TPRG1: variants seen among roughly 807,000 people sequenced by gnomAD.
TPRG1 encodes the protein tumor protein p63 regulated 1.
A neutral mutation model predicts 29.3 loss-of-function variants in TPRG1; 29 were observed. The observed-to-expected ratio is 0.99, with a 90% CI of 0.74 to 1.35. The LOEUF (loss-of-function observed/expected upper bound fraction) is 1.35, where lower values mean the gene tolerates loss of function less well. TPRG1 is among the 40% of genes most tolerant of loss of function. TPRG1 has a pLI of 0.00. For missense variants in TPRG1, 327 were observed against 335.0 expected (o/e 0.98, Z 0.19); for synonymous variants, 130 against 116.8 (o/e 1.11, Z -0.73).
chr3:189,259,030 A>C (rs1482711044), intron 4 of TPRG1, among the ~76,000 whole-genome samples: 1 of 152,134 alleles, frequency 6.6e-6, no homozygotes, highest in Non-Finnish European at 1.5e-5. Flanking sequence ...GCTGTGTTCC[A>C]GGGACCAATG....
intron 4 of TPRG1, among the ~76,000 whole-genome samples, chr3:189,246,185 C>T (rs144477228): frequency 1.9e-4 from 29 of 152,172 alleles, no homozygotes; most frequent in African/African-American, 6.7e-4. Flanking sequence ...TTATAAAGGG[C>T]AGTTCCTCTG....
intron 4 of TPRG1, among the ~76,000 whole-genome samples, chr3:189,049,759 C>T (rs1715199230): frequency 6.6e-6 from 1 of 152,204 alleles, no homozygotes; most frequent in African/African-American, 2.4e-5. Flanking sequence ...CCTTCTGCCA[C>T]CTCCACCAGA....
chr3:189,065,094 T>C (rs1463735394), intron 4 of TPRG1, among the ~76,000 whole-genome samples: 2 of 152,116 alleles, frequency 1.3e-5, no homozygotes, highest in Non-Finnish European at 2.9e-5. Flanking sequence ...AGAGGCTTGC[T>C]GAAGCCCAGG....
chr3:189,005,283 C>T (rs867017346), intron 3 of TPRG1, among the ~76,000 whole-genome samples: 21 of 152,058 alleles, frequency 1.4e-4, no homozygotes, highest in African/African-American at 4.3e-4. Context: ...ACCTCAGTGC[C>T]GAGTAAAGTG....
At chr3:189,301,050 C>T (rs1720746290) in intron 4 of TPRG1, among the ~76,000 whole-genome samples, 1 of 152,026 alleles carries the variant, frequency 6.6e-6, no homozygotes, top group South Asian at 2.1e-4. Flanking sequence ...GTAATCCCAG[C>T]ACTTTGGGAG....
intron 4 of TPRG1, among the ~76,000 whole-genome samples, chr3:189,036,762 T>C (rs1714294210): frequency 6.6e-6 from 1 of 151,892 alleles, no homozygotes; most frequent in Non-Finnish European, 1.5e-5. Flanking sequence ...AAAAAGGTGA[T>C]GTAAATTTAG....
intron 4 of TPRG1, among the ~76,000 whole-genome samples, chr3:189,046,296 T>G (rs1398521180): frequency 2.6e-5 from 4 of 152,308 alleles, no homozygotes; most frequent in Non-Finnish European, 1.5e-5. Flanking sequence ...AACCCTCTTC[T>G]CCACTTAGGC....
At chr3:189,270,331 A>G (rs1714903323) in intron 4 of TPRG1, among the ~76,000 whole-genome samples, 1 of 152,172 alleles carries the variant, frequency 6.6e-6, no homozygotes, top group Non-Finnish European at 1.5e-5. Flanking sequence ...ATTGTTGTGG[A>G]TGAGGAAAAG....
intron 4 of TPRG1, among the ~76,000 whole-genome samples, chr3:189,269,971 T>C (rs1714793420): frequency 6.6e-6 from 1 of 152,190 alleles, no homozygotes; most frequent in African/African-American, 2.4e-5. Flanking sequence ...GTTTTGACTT[T>C]TCATAAACAG....
intron 1 of TPRG1, among the ~76,000 whole-genome samples, chr3:189,200,449 A>G (rs571470119): frequency 6.6e-6 from 1 of 152,176 alleles, no homozygotes; most frequent in Non-Finnish European, 1.5e-5. Flanking sequence ...GTCAAAATCA[A>G]AAGTAGATTT....
At chr3:189,229,427 C>T (rs1016379205) in intron 3 of TPRG1, among the ~76,000 whole-genome samples, 1 of 152,170 alleles carries the variant, frequency 6.6e-6, no homozygotes, top group East Asian at 1.9e-4. Context: ...AGTCATTAGA[C>T]AGCCTGTGAC....
intron 4 of TPRG1, among the ~76,000 whole-genome samples, chr3:189,296,694 T>C (rs1201115131): frequency 6.6e-6 from 1 of 152,228 alleles, no homozygotes; most frequent in Non-Finnish European, 1.5e-5. Context: ...GAAGCAACTT[T>C]GACCTTGTCA....
intron 4 of TPRG1, among the ~76,000 whole-genome samples, chr3:189,056,605 A>G (rs993278199): frequency 1.3e-5 from 2 of 152,174 alleles, no homozygotes; most frequent in Non-Finnish European, 2.9e-5. Context: ...CTCATGTACT[A>G]ATTCCCCTGC....
chr3:189,090,745 A>G (rs1053863374), intron 4 of TPRG1, among the ~76,000 whole-genome samples: 24 of 151,926 alleles, frequency 1.6e-4, no homozygotes, highest in African/African-American at 5.8e-4. Flanking sequence ...TTTCATTTTT[A>G]TCTTTTCTGG....
At chr3:189,155,240 T>A (rs1222564005) in intron 5 of TPRG1, among the ~76,000 whole-genome samples, 1 of 152,108 alleles carries the variant, frequency 6.6e-6, no homozygotes, top group Non-Finnish European at 1.5e-5. Context: ...TTTCTAAGGG[T>A]AGAAGGATGG....
intron 2 of TPRG1, among the ~76,000 whole-genome samples, chr3:189,131,106 T>A (rs1723064930): frequency 6.6e-6 from 1 of 152,186 alleles, no homozygotes. Context: ...GCAGCATAAT[T>A]AGTAATAATC....
At position 189,312,097 on chromosome 3, in the gene TPRG1, G is replaced by GTTTCTTTCTTTC. The variant is rs1560688681; in HGVS notation, c.633+1565_633+1566insCTTTCTTTCTTT. On this transcript the variant is annotated intron_variant, in intron 5 of 5. Transcript: ENST00000345063. ...ACACTTTATGTTTCTTTCTTTCTTT[G>GTTTCTTTCTTTC]TTTCTTTGTTTCTTTCTTTGTTTCT... Among the ~76,000 whole-genome samples, 29 of 71,116 alleles carry GTTTCTTTCTTTC rather than the reference G, an allele frequency of 4.1e-4. 4 individuals are homozygous for GTTTCTTTCTTTC. Among genetic ancestry groups the GTTTCTTTCTTTC allele is most frequent in the African/African-American group, 1.6e-3 (27 of 17,368 alleles). The allele number at this position is 71,116 out of a possible 152,430, so 46.7% of individuals were successfully genotyped here. A position where few individuals can be genotyped will look rare whatever the true frequency, so the allele number is the denominator to read the frequency against.
intron 3 of TPRG1, chr3:189,219,607 C>T (rs954581431): frequency 1.2e-5 from 15 of 1,288,530 alleles, no homozygotes; most frequent in Non-Finnish European, 1.4e-5. Context: ...AACATCTTGA[C>T]ACTTTATGGA....
At chr3:189,112,774 C>T (rs1250292511) in intron 1 of TPRG1, among the ~76,000 whole-genome samples, 1 of 150,948 alleles carries the variant, frequency 6.6e-6, no homozygotes, top group Non-Finnish European at 1.5e-5. Context: ...TTTTGGTTAC[C>T]GTAGCCTTGT....
Sources: gnomAD v4.1 joint callset for allele counts (sites outside exome capture counted in the v4.1 genomes callset) on GRCh38, gnomAD v4.1.1 for gene constraint, MANE v1.5 for transcripts, NCBI Gene and HGNC (gene_info 2026-07-23, HGNC 2026-07-21) for gene names.